GK5: variants seen among roughly 807,000 people sequenced by gnomAD.
GK5 encodes ATP:glycerol 3-phosphotransferase 5.
Under a neutral mutation model 77.3 loss-of-function variants are expected in GK5, and 39 were observed. The observed-to-expected ratio is 0.50, with a 90% CI of 0.39 to 0.66. The LOEUF is 0.66. Among genes scored for constraint, GK5 ranks in the 30% least tolerant of loss-of-function variants. The pLI, the probability that GK5 is intolerant of heterozygous loss-of-function variation, is 0.00. For missense variants in GK5, 487 were observed against 633.8 expected (o/e 0.77, Z 2.49); for synonymous variants, 211 against 208.0 (o/e 1.01, Z -0.13).
chr3:142,169,592 C>A (rs1192097351), intron 15 of GK5, among the ~76,000 whole-genome samples: 2 of 152,052 alleles, frequency 1.3e-5, no homozygotes, highest in African/African-American at 2.4e-5. Context: ...AATTCTCTCT[C>A]CCACCATAAG....
In GK5 at chr3:142,185,923, A is replaced by C; in HGVS notation, c.816+6T>G. Reference sequence around the variant, plus strand: ...ACAAAGGGAATCCCTCAAGTTTCCTACTTACCAAGGCAACTATTGGTATAG... The same window carrying C: ...ACAAAGGGAATCCCTCAAGTTTCCTCCTTACCAAGGCAACTATTGGTATAG... On this transcript the variant is annotated splice_donor_region_variant and intron_variant, in intron 9 of 15. Transcript: ENST00000392993. 1 of 1,599,470 alleles carries C rather than the reference A, an allele frequency of 6.3e-7. No individual in the cohort carries two copies. Among genetic ancestry groups the C allele is most frequent in the Non-Finnish European group, 8.5e-7 (1 of 1,171,976 alleles).
chr3:142,186,247 A>C lies in GK5; in HGVS notation c.702T>G (p.Ile234Met). ...AAAGTGGTATCGAAATTAGAGAGGT[A>C]ATCATCCCACTCCAACACATCTGAG... ...DPYKMCWSGM[I>M]TSLISIPLSL... The change falls in exon 8 of 16, where the codon ATT (isoleucine) becomes ATG (methionine). Residue 234 changes from isoleucine to methionine, a missense_variant. Physicochemically the swap from Ile to Met is conservative, Grantham distance 10 (BLOSUM62 1). Around this residue, in one of 4 missense-constraint regions of GK5, gnomAD observed 323 missense variants for 437.4 expected, o/e 0.74. Coordinates refer to ENST00000392993, the MANE Select transcript of GK5 (RefSeq NM_001039547.3). 1 of 1,605,772 alleles carries C rather than the reference A, an allele frequency of 6.2e-7. No homozygotes were observed. The highest frequency in any genetic ancestry group is 1.1e-5 in the South Asian group (1 of 90,836).
At position 142,213,544 on chromosome 3, in the gene GK5, G is replaced by T; in HGVS notation, c.299C>A (p.Thr100Asn). ...TACTTACTTGTTCCACGTAATAAAA[G>T]TTGCTCTCTGTGTTGAAATGCCAAG... ...VGLGISTQRATFITWNKKTGN... is the reference protein window; with the variant it reads ...VGLGISTQRANFITWNKKTGN... The change falls in exon 3 of 16, where the codon ACT becomes AAT. Residue 100 changes from threonine to asparagine, a missense_variant. This residue lies in a region of GK5 where 323 missense variants were observed against 437.4 expected (regional missense o/e 0.74). Coordinates refer to ENST00000392993, the MANE Select transcript of GK5 (RefSeq NM_001039547.3). The T allele has an allele frequency of 6.2e-7, 1 of 1,608,772 alleles. No individual in the cohort carries two copies. Among genetic ancestry groups the T allele is most frequent in the Non-Finnish European group, 8.5e-7 (1 of 1,175,106 alleles).
chr3:142,164,895 T>C lies in GK5; in HGVS notation c.*727A>G, dbSNP rs1282461482. The C allele has an allele frequency of 6.6e-6, 1 of 152,438 alleles. No homozygotes were observed. The highest frequency in any genetic ancestry group is 1.5e-5 in the Non-Finnish European group (1 of 68,036). 9.4% of individuals were successfully genotyped at this position (152,438 alleles called of 1,614,324 possible). A position where few individuals can be genotyped will look rare whatever the true frequency, so the allele number is the denominator to read the frequency against. On this transcript the variant is annotated 3_prime_UTR_variant, in exon 16 of 16. Transcript: ENST00000392993. Reference sequence around the variant, plus strand: ...GTTATTTGAGAAGGAAAATAAGTAGTATTTTTCTGTTTCTTAAAAATCAAT... The same window carrying C: ...GTTATTTGAGAAGGAAAATAAGTAGCATTTTTCTGTTTCTTAAAAATCAAT...
chr3:142,196,867 A>G (rs572664132), intron 5 of GK5, among the ~76,000 whole-genome samples: 45 of 152,242 alleles, frequency 3.0e-4, no homozygotes, highest in Admixed American at 2.7e-3. Context: ...TTCCTTGTTA[A>G]TCTTCTGTCT....
chr3:142,195,004 T>C lies in GK5; in HGVS notation c.543+3798A>G, dbSNP rs200585805. Among the ~76,000 whole-genome samples the C allele has an allele frequency of 1.2e-4, 18 of 152,056 alleles. No individual in the cohort carries two copies. The East Asian group carries it at 3.5e-3, about 29-fold the overall frequency. On this transcript the variant is annotated intron_variant, in intron 5 of 15. Transcript: ENST00000392993. ...TTCAACTATTAAGTATGGTGTCGGC[T>C]GTGGGTTTTTCAAAGATCAGGTTGA...
chr3:142,207,294 G>A (rs2064123480), intron 3 of GK5, among the ~76,000 whole-genome samples: 1 of 152,142 alleles, frequency 6.6e-6, no homozygotes, highest in Non-Finnish European at 1.5e-5. Context: ...GGCTCTTCTA[G>A]GCCTCTTTAG....
chr3:142,165,844 C>T (rs965548358), intron 15 of GK5, 74 bp from the exon 16 acceptor site: 34 of 955,270 alleles, frequency 3.6e-5, no homozygotes, highest in East Asian at 1.1e-4. Flanking sequence ...AAAACCTATA[C>T]GAGTTGCTGG....
At chr3:142,220,144 A>AT (rs1036163060) in intron 1 of GK5, among the ~76,000 whole-genome samples, 19 of 149,654 alleles carry the variant, frequency 1.3e-4, no homozygotes, top group Non-Finnish European at 2.2e-4. Flanking sequence ...ATTTTAACAA[A>AT]TTTTTTTTTT....
intron 12 of GK5, chr3:142,173,150 G>A (rs568955175): frequency 2.8e-5 from 12 of 427,600 alleles, no homozygotes; most frequent in South Asian, 5.0e-5. Flanking sequence ...GCAATGAGCC[G>A]TGATCGCGTT....
rs780026989 is a variant in GK5 at position 142,225,488 on chromosome 3, C to T, written c.-33G>A. On this transcript the variant is annotated 5_prime_UTR_variant, in exon 1 of 16. Transcript: ENST00000392993. Reference sequence around the variant, plus strand: ...CCGCACGCCTCTCCGCTACAGCCGCCTACCCAGAGGGCGCGCTACAAATCC... The same window carrying T: ...CCGCACGCCTCTCCGCTACAGCCGCTTACCCAGAGGGCGCGCTACAAATCC... 3.1e-6 allele frequency: 5 copies of T among 1,592,112 alleles called. No homozygotes were observed. In the East Asian group the frequency reaches 9.1e-5, roughly 29 times the overall value.
Position 142,204,665 on chromosome 3 carries a change from A to G in GK5, c.411+30T>C. On this transcript the variant is annotated intron_variant, in intron 4 of 15. Coordinates refer to ENST00000392993, the MANE Select transcript of GK5 (RefSeq NM_001039547.3). ...ACATTTACAGAAAAAAAAAACCAAC[A>G]ATATCCAAATCACACAAGAAAAAGA... The G allele has an allele frequency of 3.3e-6, 4 of 1,201,448 alleles. 1 individual carries two copies. Among genetic ancestry groups the G allele is most frequent in the Non-Finnish European group, 4.9e-6 (4 of 809,284 alleles). 74.4% of individuals were successfully genotyped at this position (1,201,448 alleles called of 1,614,324 possible).
chr3:142,165,760 A>T lies in GK5; in HGVS notation c.1452T>A (p.Thr484=). 1.2e-6 allele frequency: 2 copies of T among 1,600,510 alleles called. No homozygotes were observed. The highest frequency in any genetic ancestry group is 1.7e-6 in the Non-Finnish European group (2 of 1,175,286). ...SLAGLAVGFW[T]DKEELKKLRQ... ...TCAGTTTCTTTAGTTCCTCCTTGTC[A>T]GTCCAAAACCCTATAGATAAAAAAA... The change falls in exon 16 of 16, where the codon ACT becomes ACA. Residue 484 remains threonine, a synonymous_variant. Transcript: ENST00000392993.
chr3:142,180,670 CCTT>C (rs940856569), intron 11 of GK5, among the ~76,000 whole-genome samples: 5 of 152,068 alleles, frequency 3.3e-5, no homozygotes, highest in African/African-American at 1.2e-4. Context: ...CCCCTTTTCT[CCTT>C]CTCTCATCCC....
At position 142,160,043 on chromosome 3, in the gene GK5, T is replaced by C. The variant is rs981721194; in HGVS notation, c.*5579A>G. On this transcript the variant is annotated 3_prime_UTR_variant, in exon 16 of 16. Transcript: ENST00000392993. ...TTGTATTTTTAGTAGAGATGGGGTT[T>C]CACCATATTGATCAGGCTGGTCTTG... The C allele has an allele frequency of 4.6e-5, 7 of 152,248 alleles. No individual in the cohort carries two copies. The highest frequency in any genetic ancestry group is 1.7e-4 in the African/African-American group (7 of 41,426). The allele number at this position is 152,248 out of a possible 1,614,324, so 9.4% of individuals were successfully genotyped here. A position where few individuals can be genotyped will look rare whatever the true frequency, so the allele number is the denominator to read the frequency against.
chr3:142,177,624 G>C (rs765952698), intron 11 of GK5, 48 bp from the exon 12 acceptor site: 4 of 1,050,424 alleles, frequency 3.8e-6, no homozygotes, highest in Non-Finnish European at 5.9e-6. Flanking sequence ...AAATGAAGAG[G>C]TTAGAGAGGC....
rs180999835 is a variant in GK5 at position 142,158,229 on chromosome 3, G to C, written c.*7393C>G. 1 of 152,332 alleles carries C rather than the reference G, an allele frequency of 6.6e-6. No individual in the cohort carries two copies. The highest frequency in any genetic ancestry group is 2.4e-5 in the African/African-American group (1 of 41,442). 9.4% of individuals were successfully genotyped at this position (152,332 alleles called of 1,614,324 possible). ...GCCTCCCAAAGTGCTGGGACTACAC[G>C]TGTGAGCCACCATGCCCGGCCTTGT... is the stretch of plus-strand genomic sequence containing the variant. On this transcript the variant is annotated 3_prime_UTR_variant, in exon 16 of 16. Coordinates refer to ENST00000392993, the MANE Select transcript of GK5 (RefSeq NM_001039547.3).
chr3:142,218,811 A>AG (rs1398392022), intron 1 of GK5, among the ~76,000 whole-genome samples: 1 of 152,196 alleles, frequency 6.6e-6, no homozygotes, highest in Non-Finnish European at 1.5e-5. Flanking sequence ...AAAAGACAAA[A>AG]GTACAGACTG....
chr3:142,166,066 T>C (rs1012134232), intron 15 of GK5, among the ~76,000 whole-genome samples: 3 of 152,204 alleles, frequency 2.0e-5, no homozygotes, highest in African/African-American at 7.2e-5. Flanking sequence ...CTTGCTATTA[T>C]TAAAACAATC....
Sources: allele counts gnomAD v4.1 joint callset (sites outside exome capture counted in the v4.1 genomes callset), GRCh38; gene constraint gnomAD v4.1.1; regional missense constraint gnomAD v4.1.1; transcripts MANE v1.5; gene names NCBI Gene and HGNC (gene_info 2026-07-23, HGNC 2026-07-21).